The following CDH13 variants were observed in gnomAD, a reference collection of about 807,000 sequenced individuals.
CDH13 encodes the protein cadherin-13.
CDH13 carries 24 observed loss-of-function variants against 63.8 expected under a neutral mutation model. The ratio of observed to expected loss-of-function variants is 0.38; its 90% CI spans 0.27 to 0.53. The LOEUF is 0.53. Among genes scored for constraint, CDH13 ranks in the 20% least tolerant of loss-of-function variants. The pLI is 0.85. For synonymous variants in CDH13, 503 were observed against 355.3 expected (o/e 1.42, Z -4.67); for missense variants, 1,049 against 903.1 (o/e 1.16, Z -2.07).
chr16:82,654,667 AG>A (rs1298942710), intron 1 of CDH13, among the ~76,000 whole-genome samples: 1 of 152,096 alleles, frequency 6.6e-6, no homozygotes, highest in East Asian at 1.9e-4. Context: ...AGACATCCTT[AG>A]GGGATGGGGC....
At chr16:83,075,951 A>C (rs1043807368) in intron 3 of CDH13, among the ~76,000 whole-genome samples, 1 of 152,238 alleles carries the variant, frequency 6.6e-6, no homozygotes, top group African/African-American at 2.4e-5. Flanking sequence ...TGGCAGGATC[A>C]GCTTCGTGAC....
At chr16:83,235,560 A>G (rs1185980651) in intron 5 of CDH13, among the ~76,000 whole-genome samples, 1 of 139,362 alleles carries the variant, frequency 7.2e-6, no homozygotes, top group African/African-American at 2.7e-5. Context: ...GCCAATGCTC[A>G]TTTTTTATTC....
chr16:83,592,423 T>A (rs1418332422), intron 7 of CDH13, among the ~76,000 whole-genome samples: 2 of 152,242 alleles, frequency 1.3e-5, no homozygotes, highest in Non-Finnish European at 2.9e-5. Context: ...TTGAGCCTAA[T>A]AGACACTAAA....
intron 3 of CDH13, among the ~76,000 whole-genome samples, chr16:83,069,778 G>C (rs189803046): frequency 6.6e-6 from 1 of 152,198 alleles, no homozygotes; most frequent in African/African-American, 2.4e-5. Flanking sequence ...GACAGGAACT[G>C]GTCCATGCAT....
At chr16:83,492,659 A>T (rs1032324510) in intron 7 of CDH13, among the ~76,000 whole-genome samples, 4 of 152,382 alleles carry the variant, frequency 2.6e-5, no homozygotes, top group Middle Eastern at 3.4e-3. Context: ...AAAGTAGAAT[A>T]GGACATTCAA....
intron 8 of CDH13, among the ~76,000 whole-genome samples, chr16:83,611,930 C>G (rs943911147): frequency 1.3e-5 from 2 of 152,036 alleles, no homozygotes; most frequent in Non-Finnish European, 2.9e-5. Flanking sequence ...GCTTTACAAG[C>G]TCACATGTAA....
chr16:82,778,390 AC>A (rs1302507292), intron 1 of CDH13, among the ~76,000 whole-genome samples: 1 of 152,072 alleles, frequency 6.6e-6, no homozygotes, highest in African/African-American at 2.4e-5. Context: ...TAATTTTATT[AC>A]AGAGTTTTGG....
At chr16:83,115,499 A>G (rs1010364772) in intron 3 of CDH13, among the ~76,000 whole-genome samples, 1 of 152,188 alleles carries the variant, frequency 6.6e-6, no homozygotes, top group South Asian at 2.1e-4. Flanking sequence ...CAAAGGAATA[A>G]CCCTCAGGTC....
chr16:83,696,480 C>A (rs775197658), intron 10 of CDH13, among the ~76,000 whole-genome samples: 1 of 152,160 alleles, frequency 6.6e-6, no homozygotes. Flanking sequence ...CAAGCCCACA[C>A]TGGATCCACC....
intron 5 of CDH13, among the ~76,000 whole-genome samples, chr16:83,237,088 C>T (rs746217481): frequency 1.5e-4 from 23 of 152,198 alleles, no homozygotes; most frequent in Admixed American, 3.3e-4. Flanking sequence ...GGGGATGTTC[C>T]GCCACATTCT....
intron 2 of CDH13, among the ~76,000 whole-genome samples, chr16:83,011,764 T>A (rs1347377439): frequency 6.6e-6 from 1 of 152,218 alleles, no homozygotes; most frequent in Non-Finnish European, 1.5e-5. Context: ...TCTTCAGCAA[T>A]CGCTATTTTA....
intron 3 of CDH13, 132 bp downstream of exon 3, chr16:83,032,350 A>T: frequency 1.4e-6 from 1 of 702,898 alleles, no homozygotes; most frequent in Non-Finnish European, 2.3e-6. Context: ...AAATGACAGA[A>T]ATCCAACTCT....
chr16:83,128,401 C>T lies in CDH13; in HGVS notation c.483+2900C>T, dbSNP rs535873967. Among the ~76,000 whole-genome samples the T allele has an allele frequency of 3.9e-5, 6 of 152,306 alleles. No homozygotes were observed. In the South Asian group the frequency reaches 6.2e-4, roughly 16 times the overall value. The stretch of plus-strand genomic sequence containing the variant: ...CTCTGGGGTTAAAGCCAGGAATCTG[C>T]GTTTTTACACAGCTTCTAGGTGATT... On this transcript the variant is annotated intron_variant, in intron 4 of 13. Transcript: ENST00000567109.
intron 1 of CDH13, among the ~76,000 whole-genome samples, chr16:82,763,293 T>C (rs1175366720): frequency 2.6e-5 from 4 of 152,334 alleles, no homozygotes; most frequent in African/African-American, 4.8e-5. Context: ...TATCCTGCTT[T>C]GCTTTTTCTT....
intron 1 of CDH13, among the ~76,000 whole-genome samples, chr16:82,632,321 G>C (rs1908111138): frequency 6.6e-6 from 1 of 152,202 alleles, no homozygotes; most frequent in Non-Finnish European, 1.5e-5. Context: ...GGACTATTTG[G>C]AAAGGGAGGG....
intron 7 of CDH13, among the ~76,000 whole-genome samples, chr16:83,554,983 G>T (rs1388551768): frequency 1.3e-4 from 19 of 149,596 alleles, no homozygotes; most frequent in Admixed American, 4.7e-4. Flanking sequence ...TGCTTCCTGA[G>T]GCCACCCCTG....
intron 1 of CDH13, among the ~76,000 whole-genome samples, chr16:82,816,583 C>G (rs1350343703): frequency 6.6e-6 from 1 of 151,866 alleles, no homozygotes. Context: ...AGGTGCCAGG[C>G]CAAGGTAATA....
At chr16:82,927,611 A>T (rs142653300) in intron 2 of CDH13, among the ~76,000 whole-genome samples, 4 of 152,256 alleles carry the variant, frequency 2.6e-5, no homozygotes, top group African/African-American at 9.6e-5. Flanking sequence ...CGGCCTAGAA[A>T]CTGTTCCTCA....
At chr16:83,316,615 CT>C in intron 5 of CDH13, among the ~76,000 whole-genome samples, 1 of 152,190 alleles carries the variant, frequency 6.6e-6, no homozygotes, top group Non-Finnish European at 1.5e-5. Flanking sequence ...GGGGTTAATG[CT>C]GCAGGAGAGA....
Sources: allele counts gnomAD v4.1 joint callset (sites outside exome capture counted in the v4.1 genomes callset), GRCh38; gene constraint gnomAD v4.1.1; transcripts MANE v1.5; gene names NCBI Gene and HGNC (gene_info 2026-07-23, HGNC 2026-07-21).